The following GLDC variants were observed in gnomAD, a reference collection of about 807,000 sequenced individuals.
GLDC encodes glycine decarboxylase.
In GLDC, 104 loss-of-function variants were observed where a neutral mutation model predicts 121.3. That is an observed-to-expected ratio of 0.86 (90% confidence interval 0.73 to 1.01). The LOEUF is 1.01. Ranked by LOEUF, GLDC falls within the 50% of genes least tolerant of loss-of-function variation. The pLI is 0.00. For missense variants in GLDC, 1,429 were observed against 1,306.6 expected (o/e 1.09, Z -1.44); for synonymous variants, 546 against 480.6 (o/e 1.14, Z -1.78).
rs548030253 is a variant in GLDC at position 6,553,243 on chromosome 9, CT to C, written c.2457+124del. 538 of 870,236 alleles carry C rather than the reference CT, an allele frequency of 6.2e-4. 2 individuals carry two copies. The highest frequency in any genetic ancestry group is 1.7e-3 in the Middle Eastern group (5 of 2,946). The allele number at this position is 870,236 out of a possible 1,614,324, so 53.9% of individuals were successfully genotyped here. Reference sequence around the variant, plus strand: ...TTCCACCCAGGCCATCAGCAATATTCTTTGAACCACATCTCAGATCATGAAT... The same window carrying C: ...TTCCACCCAGGCCATCAGCAATATTCTTGAACCACATCTCAGATCATGAAT... On this transcript the variant is annotated intron_variant, in intron 20 of 24. Coordinates refer to ENST00000321612, the MANE Select transcript of GLDC (RefSeq NM_000170.3).
At chr9:6,583,902 T>G (rs1371379260) in intron 15 of GLDC, among the ~76,000 whole-genome samples, 2 of 152,116 alleles carry the variant, frequency 1.3e-5, no homozygotes, top group African/African-American at 2.4e-5. Flanking sequence ...GTTTAACAGG[T>G]CCTGAGCTTG....
chr9:6,554,412 T>G (rs1352536830), intron 19 of GLDC, among the ~76,000 whole-genome samples: 1 of 152,220 alleles, frequency 6.6e-6, no homozygotes, highest in Non-Finnish European at 1.5e-5. Flanking sequence ...ATTATTCTGT[T>G]AATAAACCTG....
chr9:6,617,139 T>C (rs1165331839), intron 3 of GLDC, among the ~76,000 whole-genome samples: 1 of 152,188 alleles, frequency 6.6e-6, no homozygotes, highest in Non-Finnish European at 1.5e-5. Context: ...ATGGAAACCA[T>C]TCAGAAGGAT....
intron 3 of GLDC, among the ~76,000 whole-genome samples, chr9:6,611,404 C>A (rs560912743): frequency 2.5e-4 from 38 of 152,132 alleles, no homozygotes; most frequent in Non-Finnish European, 3.7e-4. Context: ...AAAATACAAA[C>A]AATTAGCCAG....
At chr9:6,558,326 C>A in intron 17 of GLDC, 1 of 636,956 alleles carries the variant, frequency 1.6e-6, no homozygotes, top group Non-Finnish European at 2.8e-6. Flanking sequence ...GCAAGGAGTA[C>A]TCTTACTACC....
At chr9:6,599,352 C>T (rs1317597815) in intron 8 of GLDC, among the ~76,000 whole-genome samples, 1 of 152,084 alleles carries the variant, frequency 6.6e-6, no homozygotes, top group Non-Finnish European at 1.5e-5. Flanking sequence ...GAGCAGTCAG[C>T]TGCACCGAAA....
intron 2 of GLDC, among the ~76,000 whole-genome samples, chr9:6,643,706 A>G (rs1444660912): frequency 6.6e-6 from 1 of 152,060 alleles, no homozygotes; most frequent in Admixed American, 6.6e-5. Flanking sequence ...CCTTTCTTAA[A>G]CAAATGTAAA....
intron 7 of GLDC, 59 bp from the exon 8 acceptor site, chr9:6,602,264 T>G: frequency 5.0e-6 from 5 of 1,002,038 alleles, no homozygotes; most frequent in Middle Eastern, 2.0e-4. Context: ...GGAGATGCTA[T>G]AAATAGAATT....
intron 17 of GLDC, among the ~76,000 whole-genome samples, chr9:6,556,723 G>C (rs1306586148): frequency 6.6e-6 from 1 of 151,896 alleles, no homozygotes; most frequent in Non-Finnish European, 1.5e-5. Flanking sequence ...GAACCGGTGA[G>C]GTGGAGGTTG....
intron 8 of GLDC, among the ~76,000 whole-genome samples, chr9:6,599,123 G>T (rs1818548554): frequency 6.6e-6 from 1 of 151,482 alleles, no homozygotes; most frequent in South Asian, 2.1e-4. Flanking sequence ...GACGGAGGTT[G>T]CAGTGAGCCG....
At chr9:6,565,867 TA>T (rs1433834657) in intron 15 of GLDC, 1 of 302,550 alleles carries the variant, frequency 3.3e-6, no homozygotes, top group Non-Finnish European at 6.2e-6. Context: ...CTGAACTATA[TA>T]TTTTGAAGCA....
chr9:6,587,388 C>G, intron 14 of GLDC, 105 bp from the exon 15 acceptor site: 1 of 845,014 alleles, frequency 1.2e-6, no homozygotes, highest in South Asian at 1.4e-5. Flanking sequence ...GTGCCAGGCA[C>G]TGTTCTAAGC....
chr9:6,553,306 GTCCCCA>G (rs1817553198), intron 20 of GLDC, 56 bp downstream of exon 20: 1 of 1,446,026 alleles, frequency 6.9e-7, no homozygotes, highest in Non-Finnish European at 9.7e-7. Context: ...GCAGTATCCG[GTCCCCA>G]TGCATGCCTG....
chr9:6,535,520 C>T (rs1055476043), intron 23 of GLDC, among the ~76,000 whole-genome samples: 2 of 152,016 alleles, frequency 1.3e-5, no homozygotes, highest in Non-Finnish European at 2.9e-5. Context: ...GACACAACCA[C>T]AGCCTTCATG....
chr9:6,562,758 G>A (rs1433200654), intron 16 of GLDC, among the ~76,000 whole-genome samples: 2 of 152,118 alleles, frequency 1.3e-5, no homozygotes, highest in African/African-American at 4.8e-5. Context: ...ACAGGGTTTT[G>A]CTATGTTGGC....
chr9:6,539,903 C>G, intron 22 of GLDC, 148 bp downstream of exon 22: 1 of 675,332 alleles, frequency 1.5e-6, no homozygotes, highest in South Asian at 1.7e-5. Context: ...AAACTTTTTT[C>G]TCTATTATTT....
chr9:6,575,177 G>C (rs1412297315), intron 15 of GLDC, among the ~76,000 whole-genome samples: 1 of 149,990 alleles, frequency 6.7e-6, no homozygotes, highest in Non-Finnish European at 1.5e-5. Context: ...CTGCACTCCA[G>C]CCTGGGCGAC....
chr9:6,594,877 G>C (rs1461565328), intron 9 of GLDC, 137 bp downstream of exon 9: 2 of 709,104 alleles, frequency 2.8e-6, no homozygotes, highest in Non-Finnish European at 5.2e-6. Context: ...AATAATCATG[G>C]ATGTTGAAAG....
At chr9:6,634,020 C>T (rs548380117) in intron 2 of GLDC, among the ~76,000 whole-genome samples, 4 of 151,308 alleles carry the variant, frequency 2.6e-5, no homozygotes, top group South Asian at 2.1e-4. Context: ...TTAGTAGAGA[C>T]GGGGTTTCAC....
Sources: gnomAD v4.1 joint callset for allele counts (sites outside exome capture counted in the v4.1 genomes callset) on GRCh38, gnomAD v4.1.1 for gene constraint, MANE v1.5 for transcripts, NCBI Gene and HGNC (gene_info 2026-07-23, HGNC 2026-07-21) for gene names.